The following ADAP2 variants were observed in gnomAD, a reference collection of about 807,000 sequenced individuals.
ADAP2 encodes the protein ArfGAP with dual PH domains 2, also known as arf-GAP with dual PH domain-containing protein 2.
A neutral mutation model predicts 54.9 loss-of-function variants in ADAP2; 42 were observed. The observed-to-expected ratio is 0.77, with a 90% CI of 0.60 to 0.99. The LOEUF is 0.99. ADAP2 is among the 50% of genes least tolerant of loss of function. The probability of loss-of-function intolerance (pLI) is 0.00; values close to 1 mark genes in which losing one functional copy is unlikely to be tolerated. For synonymous variants in ADAP2, 177 were observed against 180.1 expected (o/e 0.98, Z 0.14); for missense variants, 429 against 480.4 (o/e 0.89, Z 1.00).
rs755900994 is a variant in ADAP2 at position 30,931,883 on chromosome 17, T to G, written c.318-6T>G. 2.5e-6 allele frequency: 4 copies of G among 1,611,408 alleles called. No individual in the cohort carries two copies. The South Asian group carries it at 4.4e-5, about 18-fold the overall frequency. On this transcript the variant is annotated splice_region_variant and splice_polypyrimidine_tract_variant and intron_variant, in intron 3 of 10. Coordinates refer to ENST00000330889, the MANE Select transcript of ADAP2 (RefSeq NM_018404.3). The stretch of plus-strand genomic sequence containing the variant: ...ACGCAGCTGACCTCAGGCTCTCTCT[T>G]TTTAGGGTCTTAAAGGAACAATGGA...
At chr17:30,929,858 G>A (rs1911343568) in intron 3 of ADAP2, among the ~76,000 whole-genome samples, 1 of 151,726 alleles carries the variant, frequency 6.6e-6, no homozygotes. Context: ...CACCATGCCT[G>A]GTTAATTTTT....
intron 10 of ADAP2, among the ~76,000 whole-genome samples, 184 bp from the exon 11 acceptor site, chr17:30,957,651 G>A (rs1462139746): frequency 6.6e-6 from 1 of 151,834 alleles, no homozygotes; most frequent in East Asian, 2.0e-4. Context: ...GGCTGGTCTC[G>A]AACTCCTGAG....
rs1450105055 is a variant in ADAP2 at position 30,934,276 on chromosome 17, G to T, written c.489G>T (p.Leu163=). 1 of 1,613,840 alleles carries T rather than the reference G, an allele frequency of 6.2e-7. No homozygotes were observed. The highest frequency in any genetic ancestry group is 1.7e-5 in the Admixed American group (1 of 59,988). ...KFVLLAREGL[L]KYFTKEQGKS... Reference sequence around the variant, plus strand: ...TACTTCTGGCAAGAGAAGGCCTCCTGAAGTACTTCACAAAGGAACAGGTAA... The same window carrying T: ...TACTTCTGGCAAGAGAAGGCCTCCTTAAGTACTTCACAAAGGAACAGGTAA... Residue 163 remains leucine, a synonymous_variant, in exon 5 of 11, where the codon CTG becomes CTT. Coordinates refer to ENST00000330889, the MANE Select transcript of ADAP2 (RefSeq NM_018404.3).
intron 9 of ADAP2, among the ~76,000 whole-genome samples, chr17:30,955,636 G>GGCAGAGGGT (rs1287622529): frequency 1.3e-5 from 2 of 151,848 alleles, no homozygotes; most frequent in East Asian, 1.9e-4. Flanking sequence ...GAAACCGGGA[G>GGCAGAGGGT]GCAGAGGGTG....
At chr17:30,933,573 C>T (rs1401551784) in intron 4 of ADAP2, among the ~76,000 whole-genome samples, 1 of 152,186 alleles carries the variant, frequency 6.6e-6, no homozygotes, top group African/African-American at 2.4e-5. Context: ...AATCTCGGCT[C>T]GCTGCAACCT....
At chr17:30,940,845 G>A (rs1243005885) in intron 5 of ADAP2, among the ~76,000 whole-genome samples, 1 of 152,168 alleles carries the variant, frequency 6.6e-6, no homozygotes, top group Non-Finnish European at 1.5e-5. Context: ...ATGAGCAGAT[G>A]TTATTGTTCT....
At chr17:30,940,199 C>T (rs769365089) in intron 5 of ADAP2, among the ~76,000 whole-genome samples, 5 of 151,932 alleles carry the variant, frequency 3.3e-5, no homozygotes, top group Admixed American at 1.3e-4. Context: ...CTGAACTCAA[C>T]CGATCTACCA....
chr17:30,937,464 T>C (rs535943394), intron 5 of ADAP2, among the ~76,000 whole-genome samples: 3 of 151,540 alleles, frequency 2.0e-5, no homozygotes, highest in Non-Finnish European at 4.4e-5. Context: ...TCATGTGATC[T>C]GCCCACCTCA....
rs200832512 is a variant in ADAP2, at chr17:30,924,865, TG to T, written c.225+1796del. Among the ~76,000 whole-genome samples the T allele has an allele frequency of 6.6e-4, 100 of 151,012 alleles. 1 individual carries two copies. The highest frequency in any genetic ancestry group is 2.0e-3 in the African/African-American group (81 of 40,854). ...AACTCCCATGTTATATTTTCTTTTT[TG>T]TTTTTTTTGTTTTTTTTTTTTTTGA... is the stretch of plus-strand genomic sequence containing the variant. On this transcript the variant is annotated intron_variant, in intron 2 of 10. Coordinates refer to ENST00000330889, the MANE Select transcript of ADAP2 (RefSeq NM_018404.3).
At position 30,957,859 on chromosome 17, in the gene ADAP2, G is replaced by A. The variant is rs1905185840; in HGVS notation, c.1136G>A (p.Ser379Asn). The change falls in exon 11 of 11, where the codon AGC becomes AAC. Residue 379 changes from serine (S) to asparagine (N), a missense_variant. Coordinates refer to ENST00000330889, the MANE Select transcript of ADAP2 (RefSeq NM_018404.3). ...RLTASTESGR[S>N]SR Reference sequence around the variant, plus strand: ...GCTGCATCAACAGAGAGTGGCCGCAGCAGCAGGTGACCCATTAACTGAGGA... The same window carrying A: ...GCTGCATCAACAGAGAGTGGCCGCAACAGCAGGTGACCCATTAACTGAGGA... 4 of 1,613,178 alleles carry A rather than the reference G, an allele frequency of 2.5e-6. No individual in the cohort carries two copies. The highest frequency in any genetic ancestry group is 3.4e-6 in the Non-Finnish European group (4 of 1,179,660).
Position 30,922,943 on chromosome 17 carries a change from C to G in ADAP2, c.98C>G (p.Pro33Arg). 1.2e-6 allele frequency: 2 copies of G among 1,613,760 alleles called. No homozygotes were observed. The highest frequency in any genetic ancestry group is 1.7e-6 in the Non-Finnish European group (2 of 1,179,920). ...AHCADCGAADPDWASYKLGIF... is the reference protein window; with the variant it reads ...AHCADCGAADRDWASYKLGIF... ...TCTCCTGCCTCATCCCCTGCAGATC[C>G]CGACTGGGCCTCTTACAAGCTGGGG... Residue 33 changes from proline (P) to arginine (R), a missense_variant, in exon 2 of 11, where the codon CCC (proline) becomes CGC (arginine). By Grantham distance (103) the Pro-to-Arg change is moderately radical (BLOSUM62 -2). Transcript: ENST00000330889.
rs535948357 is a variant in ADAP2, at chr17:30,922,991, G to C, written c.146G>C (p.Cys49Ser). ...GGGATCTTCATCTGTCTCAACTGCT[G>C]CGGCGTCCACCGTAACTTCCCTGAC... Reference protein sequence around the residue: ...KLGIFICLNCCGVHRNFPDIS... With the variant: ...KLGIFICLNCSGVHRNFPDIS... Residue 49 changes from cysteine (C) to serine (S), a missense_variant, in exon 2 of 11, where the codon TGC (cysteine) becomes TCC (serine). Transcript: ENST00000330889. The C allele has an allele frequency of 6.2e-7, 1 of 1,614,026 alleles. No homozygotes were observed. The highest frequency in any genetic ancestry group is 2.2e-5 in the East Asian group (1 of 44,884).
chr17:30,939,864 A>G (rs183531565), intron 5 of ADAP2, among the ~76,000 whole-genome samples: 59 of 152,300 alleles, frequency 3.9e-4, no homozygotes, highest in Non-Finnish European at 6.6e-4. Flanking sequence ...AGGTCAAGAC[A>G]CTTTTATAAG....
At chr17:30,949,255 T>G in intron 6 of ADAP2, 32 bp from the exon 7 acceptor site, 4 of 1,476,120 alleles carry the variant, frequency 2.7e-6, no homozygotes, top group Non-Finnish European at 3.8e-6. Context: ...ATCTCACTGC[T>G]GTGTGTGTGT....
intron 10 of ADAP2, chr17:30,956,884 C>G (rs1905115167): frequency 5.3e-6 from 1 of 187,960 alleles, no homozygotes; most frequent in Non-Finnish European, 1.1e-5. Flanking sequence ...TTGGATTCCT[C>G]CCCACTCCAG....
chr17:30,935,001 C>A, intron 5 of ADAP2, among the ~76,000 whole-genome samples: 1 of 151,790 alleles, frequency 6.6e-6, no homozygotes, highest in East Asian at 1.9e-4. Context: ...TGCATTGAGC[C>A]GAGATTGTGC....
chr17:30,956,145 A>T, intron 9 of ADAP2, 96 bp from the exon 10 acceptor site: 2 of 1,066,416 alleles, frequency 1.9e-6, no homozygotes, highest in South Asian at 1.4e-5. Context: ...GGGACCTCAT[A>T]CCCCTTTCCC....
In ADAP2 at chr17:30,922,101, G is replaced by T; in HGVS notation, c.87G>T (p.Gly29=). 8.0e-7 allele frequency: 1 copy of T among 1,250,428 alleles called. No individual in the cohort carries two copies. The highest frequency in any genetic ancestry group is 1.0e-6 in the Non-Finnish European group (1 of 999,390). 77.5% of individuals were successfully genotyped at this position (1,250,428 alleles called of 1,614,324 possible). Residue 29 remains glycine, a synonymous_variant, in exon 1 of 11, where the codon GGG becomes GGT. Coordinates refer to ENST00000330889, the MANE Select transcript of ADAP2 (RefSeq NM_018404.3). ...DTGNAHCADC[G]AADPDWASYK... is the part of the protein sequence containing the mutation. Reference sequence around the variant, plus strand: ...GCAACGCGCACTGCGCCGACTGCGGGGCGGCAGGTAAGGGCGCGGCGGCGC... The same window carrying T: ...GCAACGCGCACTGCGCCGACTGCGGTGCGGCAGGTAAGGGCGCGGCGGCGC...
intron 7 of ADAP2, among the ~76,000 whole-genome samples, chr17:30,951,654 CTTTTT>C (rs1053982493): frequency 8.3e-6 from 1 of 121,024 alleles, no homozygotes; most frequent in Non-Finnish European, 1.7e-5. Flanking sequence ...CTTTTCTTTT[CTTTTT>C]TTTTTTTTTT....
Sources: gnomAD v4.1 joint callset for allele counts (sites outside exome capture counted in the v4.1 genomes callset) on GRCh38, gnomAD v4.1.1 for gene constraint, MANE v1.5 for transcripts, NCBI Gene and HGNC (gene_info 2026-07-23, HGNC 2026-07-21) for gene names.